CDH18: variants seen among roughly 807,000 people sequenced by gnomAD.
CDH18 encodes the protein cadherin-18.
A neutral mutation model predicts 67.9 loss-of-function variants in CDH18; 31 were observed. The ratio of observed to expected loss-of-function variants is 0.46; its 90% confidence interval spans 0.34 to 0.62. The LOEUF (loss-of-function observed/expected upper bound fraction) is 0.62, where lower values mean the gene tolerates loss of function less well. CDH18 is among the 20% of genes least tolerant of loss of function. CDH18 has a pLI of 0.01. For synonymous variants in CDH18, 362 were observed against 347.2 expected (o/e 1.04, Z -0.48); for missense variants, 890 against 975.5 (o/e 0.91, Z 1.17).
chr5:19,569,801 T>C (rs918441706), intron 8 of CDH18, among the ~76,000 whole-genome samples: 6 of 152,144 alleles, frequency 3.9e-5, no homozygotes, highest in African/African-American at 1.4e-4. Context: ...AAAGAAACGA[T>C]ACATATTTAA....
chr5:20,541,386 A>G (rs1184474160), intron 1 of CDH18, among the ~76,000 whole-genome samples: 1 of 152,214 alleles, frequency 6.6e-6, no homozygotes, highest in Non-Finnish European at 1.5e-5. Flanking sequence ...ATTATTGGAT[A>G]AAATAAGAAT....
intron 5 of CDH18, among the ~76,000 whole-genome samples, chr5:19,705,499 GGCTGAGACAGTGTTACA>G (rs1763839626): frequency 6.6e-6 from 1 of 152,218 alleles, no homozygotes; most frequent in African/African-American, 2.4e-5. Context: ...TAACAAAGGA[GGCTGAGACAGTGTTACA>G]GCTAATTGAG....
chr5:20,281,400 G>A (rs1470488588), intron 1 of CDH18, among the ~76,000 whole-genome samples: 2 of 152,090 alleles, frequency 1.3e-5, no homozygotes, highest in African/African-American at 4.8e-5. Context: ...TGTAAGGAAG[G>A]GATCCAGTTT....
chr5:19,856,347 C>A (rs1007788621), intron 2 of CDH18, among the ~76,000 whole-genome samples: 18 of 152,072 alleles, frequency 1.2e-4, no homozygotes, highest in Admixed American at 1.2e-3. Context: ...TGACAGTGTA[C>A]CCTACCTGTT....
At chr5:20,207,474 T>G (rs1739992472) in intron 2 of CDH18, among the ~76,000 whole-genome samples, 1 of 152,032 alleles carries the variant, frequency 6.6e-6, no homozygotes, top group African/African-American at 2.4e-5. Flanking sequence ...AGAAAGAGGT[T>G]TAAGGGACTT....
chr5:20,123,342 G>A (rs1359879345), intron 2 of CDH18, among the ~76,000 whole-genome samples: 1 of 152,166 alleles, frequency 6.6e-6, no homozygotes, highest in Non-Finnish European at 1.5e-5. Context: ...AACGCTGGAG[G>A]CTGTGTTTCC....
intron 2 of CDH18, among the ~76,000 whole-genome samples, chr5:19,964,461 G>A (rs1254651834): frequency 6.6e-6 from 1 of 151,116 alleles, no homozygotes; most frequent in Non-Finnish European, 1.5e-5. Context: ...ATATGGGTGT[G>A]GTGGCATGTG....
chr5:20,038,143 A>G (rs1740056568), intron 2 of CDH18, among the ~76,000 whole-genome samples: 1 of 152,152 alleles, frequency 6.6e-6, no homozygotes, highest in Admixed American at 6.6e-5. Context: ...TCCCAAGACT[A>G]AATGAGGAAG....
chr5:19,479,085 A>T (rs1249339706), intron 12 of CDH18, among the ~76,000 whole-genome samples: 2 of 152,216 alleles, frequency 1.3e-5, no homozygotes, highest in African/African-American at 4.8e-5. Flanking sequence ...AAGAATAAGC[A>T]TTTCAAAATT....
chr5:20,068,841 A>G (rs1413131252), intron 2 of CDH18, among the ~76,000 whole-genome samples: 1 of 152,170 alleles, frequency 6.6e-6, no homozygotes, highest in Non-Finnish European at 1.5e-5. Context: ...TTGTTATTCA[A>G]ATAATCATTA....
At chr5:20,406,785 T>C (rs956448891) in intron 1 of CDH18, among the ~76,000 whole-genome samples, 1 of 152,198 alleles carries the variant, frequency 6.6e-6, no homozygotes, top group African/African-American at 2.4e-5. Context: ...CTTCTTCCCA[T>C]AGACACACCA....
intron 1 of CDH18, among the ~76,000 whole-genome samples, chr5:20,297,935 C>T (rs1324812926): frequency 6.6e-6 from 1 of 152,146 alleles, no homozygotes; most frequent in African/African-American, 2.4e-5. Flanking sequence ...CATTATGCTA[C>T]TTGACAATAC....
intron 2 of CDH18, among the ~76,000 whole-genome samples, chr5:19,931,243 T>C (rs575373778): frequency 1.1e-3 from 165 of 152,090 alleles, no homozygotes; most frequent in African/African-American, 3.6e-3. Flanking sequence ...CAATTTTATG[T>C]CTCCTCAATC....
intron 1 of CDH18, among the ~76,000 whole-genome samples, chr5:20,419,672 T>A (rs1475120628): frequency 6.7e-6 from 1 of 150,034 alleles, no homozygotes; most frequent in Non-Finnish European, 1.5e-5. Flanking sequence ...AGAGACGGGG[T>A]TTCACCCTGT....
intron 1 of CDH18, among the ~76,000 whole-genome samples, chr5:20,427,276 A>C (rs1748374421): frequency 6.6e-6 from 1 of 151,240 alleles, no homozygotes; most frequent in Admixed American, 6.6e-5. Context: ...AGATTTTAGA[A>C]TAATTATACA....
At chr5:19,575,200 A>G (rs895106153) in intron 7 of CDH18, among the ~76,000 whole-genome samples, 5 of 152,204 alleles carry the variant, frequency 3.3e-5, no homozygotes, top group Non-Finnish European at 5.9e-5. Context: ...GTCATTTATC[A>G]CAAGAAACAT....
intron 1 of CDH18, among the ~76,000 whole-genome samples, chr5:20,462,387 G>T (rs1264403503): frequency 4.6e-5 from 7 of 152,002 alleles, no homozygotes; most frequent in African/African-American, 7.2e-5. Flanking sequence ...TGAGAAGAGG[G>T]TACAAACATA....
At chr5:20,272,553 T>C (rs1452944469) in intron 1 of CDH18, among the ~76,000 whole-genome samples, 2 of 152,016 alleles carry the variant, frequency 1.3e-5, no homozygotes, top group East Asian at 3.9e-4. Context: ...AGTTCCTGTT[T>C]TTTTTGGAGT....
chr5:20,419,465 T>G (rs1240916527), intron 1 of CDH18, among the ~76,000 whole-genome samples: 5 of 18,130 alleles, frequency 2.8e-4, no homozygotes, highest in African/African-American at 2.4e-3. Flanking sequence ...GGACTCTGTT[T>G]TTTTTTTTTT....
Sources: allele counts gnomAD v4.1 joint callset (sites outside exome capture counted in the v4.1 genomes callset), GRCh38; gene constraint gnomAD v4.1.1; transcripts MANE v1.5; gene names NCBI Gene and HGNC (gene_info 2026-07-23, HGNC 2026-07-21).